The following ADGRV1 variants were observed in gnomAD, a reference collection of about 807,000 sequenced individuals.
ADGRV1 encodes G-protein coupled receptor 98.
In ADGRV1, 359 loss-of-function variants were observed where a neutral mutation model predicts 596.2. The ratio of observed to expected loss-of-function variants is 0.60; its 90% CI spans 0.55 to 0.66. ADGRV1 has a LOEUF of 0.66. Among genes scored for constraint, ADGRV1 ranks in the 30% least tolerant of loss-of-function variants. The pLI is 0.00. For synonymous variants in ADGRV1, 2,681 were observed against 2,679.2 expected (o/e 1.00, Z -0.02); for missense variants, 7,274 against 7,575.6 (o/e 0.96, Z 1.48).
rs142333895 is a variant in ADGRV1, at chr5:91,157,749, T to A, written c.18802+4351T>A. 5.7e-3 allele frequency among the ~76,000 whole-genome samples: 873 copies of A among 152,308 alleles called. 5 individuals carry two copies. Among genetic ancestry groups the A allele is most frequent in the African/African-American group, 0.02 (832 of 41,550 alleles). On this transcript the variant is annotated intron_variant, in intron 89 of 89. Coordinates refer to ENST00000405460, the MANE Select transcript of ADGRV1 (RefSeq NM_032119.4). ...AAAAACATCTGTTTTGATAAATGAT[T>A]GTCAAAAATGAAAAAGACTCATCAG...
intron 86 of ADGRV1, among the ~76,000 whole-genome samples, chr5:91,098,866 G>A (rs1017799553): frequency 4.0e-5 from 6 of 150,622 alleles, no homozygotes; most frequent in Non-Finnish European, 7.4e-5. Flanking sequence ...TTTGTACTCC[G>A]CCCAGAGCCA....
rs1751549898 is a variant in ADGRV1, at chr5:90,724,829, CA to C, written c.9749-2del. ...CTAGTAAACCATGATTTGTGTTTTT[CA>C]GGGGGAATGGATGTTGTGTTTTCCG... On this transcript the variant is annotated splice_acceptor_variant, in intron 45 of 89. Transcript: ENST00000405460. LOFTEE classifies it high-confidence loss of function. 9 of 1,612,238 alleles carry C rather than the reference CA, an allele frequency of 5.6e-6. No individual in the cohort carries two copies. Among genetic ancestry groups the C allele is most frequent in the Middle Eastern group, 1.6e-4 (1 of 6,076 alleles).
Position 90,802,857 on chromosome 5 carries a change from T to TC in ADGRV1, c.14637dup (p.Ser4880LeufsTer2). ...GAAGCAAAATCTGCTGTCCTTCCAG[T>TC]CTCTGAGAAAGCTGCCAATTCTCAG... On this transcript the variant is annotated frameshift_variant, in exon 71 of 90. Transcript: ENST00000405460. LOFTEE classifies it high-confidence loss of function. The TC allele has an allele frequency of 6.2e-7, 1 of 1,608,892 alleles. No individual in the cohort carries two copies. Among genetic ancestry groups the TC allele is most frequent in the Non-Finnish European group, 8.5e-7 (1 of 1,177,608 alleles).
At chr5:90,837,964 C>CTATTCTTATATATATATA in intron 77 of ADGRV1, among the ~76,000 whole-genome samples, 1 of 151,942 alleles carries the variant, frequency 6.6e-6, no homozygotes, top group African/African-American at 2.4e-5. Context: ...TTAAGTAGTT[C>CTATTCTTATATATATATA]TATTCTTATA....
intron 87 of ADGRV1, among the ~76,000 whole-genome samples, chr5:91,144,075 G>A (rs1339274684): frequency 6.6e-6 from 1 of 151,960 alleles, no homozygotes; most frequent in African/African-American, 2.4e-5. Flanking sequence ...GCCTGCAGGG[G>A]CAGTGGGGGG....
At chr5:90,578,776 C>T (rs1757569963) in intron 1 of ADGRV1, among the ~76,000 whole-genome samples, 1 of 152,138 alleles carries the variant, frequency 6.6e-6, no homozygotes, top group African/African-American at 2.4e-5. Context: ...TTAATTATTG[C>T]CATAATTTCA....
intron 75 of ADGRV1, 54 bp from the exon 76 acceptor site, chr5:90,823,371 T>C: frequency 6.5e-7 from 1 of 1,546,376 alleles, no homozygotes; most frequent in Admixed American, 1.8e-5. Flanking sequence ...TAAACTCTAT[T>C]AGACATGGGG....
chr5:90,748,498 A>G (rs1344271776), intron 52 of ADGRV1, among the ~76,000 whole-genome samples: 1 of 152,152 alleles, frequency 6.6e-6, no homozygotes, highest in African/African-American at 2.4e-5. Flanking sequence ...CGCATTTTAC[A>G]CTTATAGACT....
intron 1 of ADGRV1, among the ~76,000 whole-genome samples, chr5:90,596,644 G>A (rs1760676755): frequency 6.6e-6 from 1 of 152,164 alleles, no homozygotes; most frequent in South Asian, 2.1e-4. Context: ...ACGAAAACCA[G>A]TCAGGCGTGG....
chr5:90,569,231 G>A (rs2151951153), intron 1 of ADGRV1, among the ~76,000 whole-genome samples: 1 of 151,146 alleles, frequency 6.6e-6, no homozygotes, highest in Non-Finnish European at 1.5e-5. Flanking sequence ...CCTCTTAAAG[G>A]TCCTACCTCT....
At chr5:91,138,679 T>A (rs751954220) in intron 87 of ADGRV1, among the ~76,000 whole-genome samples, 2 of 152,086 alleles carry the variant, frequency 1.3e-5, no homozygotes, top group Non-Finnish European at 2.9e-5. Flanking sequence ...AAGCCATAAA[T>A]GCAAAAATTC....
intron 83 of ADGRV1, among the ~76,000 whole-genome samples, chr5:90,915,673 G>T (rs759526846): frequency 7.2e-5 from 11 of 152,248 alleles, no homozygotes; most frequent in Non-Finnish European, 1.3e-4. Context: ...TACCAAGGGG[G>T]TGCTGCTGGC....
At chr5:90,788,400 T>C (rs1759712475) in intron 68 of ADGRV1, 90 bp downstream of exon 68, 2 of 1,256,886 alleles carry the variant, frequency 1.6e-6, no homozygotes, top group Non-Finnish European at 2.1e-6. Flanking sequence ...TATAAGCTTG[T>C]GATAAATTGG....
chr5:91,000,668 C>CTGTGTG (rs6149110), intron 85 of ADGRV1, among the ~76,000 whole-genome samples: 8,859 of 141,150 alleles, frequency 0.063, 427 homozygotes, highest in African/African-American at 0.13. Context: ...CTTACAGGAT[C>CTGTGTG]TGTGTGTGTG....
At chr5:90,737,610 A>G (rs1360535730) in intron 50 of ADGRV1, among the ~76,000 whole-genome samples, 2 of 151,926 alleles carry the variant, frequency 1.3e-5, no homozygotes, top group Non-Finnish European at 2.9e-5. Context: ...TAGGTGCTCC[A>G]ATGTTGGGTG....
chr5:90,602,601 G>A (rs528020030), intron 1 of ADGRV1, among the ~76,000 whole-genome samples: 5 of 152,226 alleles, frequency 3.3e-5, no homozygotes, highest in South Asian at 2.1e-4. Flanking sequence ...CCTCAAAAGC[G>A]CCAAAGTCAT....
chr5:90,928,589 A>G (rs1412034429), intron 83 of ADGRV1, among the ~76,000 whole-genome samples: 3 of 150,316 alleles, frequency 2.0e-5, no homozygotes, highest in Non-Finnish European at 3.0e-5. Flanking sequence ...GTCCTCCCGT[A>G]GCTCAGAGTA....
In ADGRV1 at chr5:90,634,884, G is replaced by A. The variant is rs182153366; in HGVS notation, c.1840-230G>A. On this transcript the variant is annotated intron_variant, in intron 9 of 89. Transcript: ENST00000405460. ...AGCAGGCATAAAATTATAAGATAAA[G>A]GGTTTAGGCAGACCCTTGGGGAATA... Among the ~76,000 whole-genome samples the A allele has an allele frequency of 2.0e-5, 3 of 152,266 alleles. No individual in the cohort carries two copies. In the East Asian group the frequency reaches 5.8e-4, roughly 29 times the overall value.
At chr5:90,781,152 T>C in intron 64 of ADGRV1, 1 of 422,096 alleles carries the variant, frequency 2.4e-6, no homozygotes, top group East Asian at 5.1e-5. Context: ...TCTGATTTCC[T>C]CACAGTTTAT....
Sources: allele counts gnomAD v4.1 joint callset (sites outside exome capture counted in the v4.1 genomes callset), GRCh38; gene constraint gnomAD v4.1.1; transcripts MANE v1.5; gene names NCBI Gene and HGNC (gene_info 2026-07-23, HGNC 2026-07-21).